The following RHBDF2 variants were observed in gnomAD, a reference collection of about 807,000 sequenced individuals.
The protein encoded by RHBDF2 is inactive rhomboid protein 2.
Under a neutral mutation model 95.2 loss-of-function variants are expected in RHBDF2, and 38 were observed. That is an observed-to-expected ratio of 0.40 (90% CI 0.31 to 0.52). RHBDF2 has a LOEUF of 0.52. Ranked by LOEUF, RHBDF2 falls within the 20% of genes least tolerant of loss-of-function variation. RHBDF2 has a pLI of 0.56. For missense variants in RHBDF2, 863 were observed against 1,137.7 expected (o/e 0.76, Z 3.47); for synonymous variants, 442 against 462.0 (o/e 0.96, Z 0.55).
chr17:76,493,473 C>A (rs1403191301), intron 1 of RHBDF2, among the ~76,000 whole-genome samples: 3 of 152,132 alleles, frequency 2.0e-5, no homozygotes, highest in South Asian at 2.1e-4. Flanking sequence ...GAGTAAAGGG[C>A]AGGAAAGTGG....
intron 1 of RHBDF2, among the ~76,000 whole-genome samples, chr17:76,490,858 G>A (rs2074278434): frequency 6.6e-6 from 1 of 152,174 alleles, no homozygotes; most frequent in South Asian, 2.1e-4. Flanking sequence ...CCTCCAGAGA[G>A]AATCAACCAC....
chr17:76,491,116 C>A (rs979841441), intron 1 of RHBDF2, among the ~76,000 whole-genome samples: 1 of 152,100 alleles, frequency 6.6e-6, no homozygotes, highest in Non-Finnish European at 1.5e-5. Context: ...GAGCTCCTGC[C>A]CTGCTGGCTC....
At chr17:76,483,551 C>T (rs2074033838) in intron 2 of RHBDF2, among the ~76,000 whole-genome samples, 1 of 152,222 alleles carries the variant, frequency 6.6e-6, no homozygotes, top group South Asian at 2.1e-4. Context: ...TCCCAAAGTG[C>T]TGGGATTACA....
At position 76,494,742 on chromosome 17, in the gene RHBDF2, A is replaced by T. The variant is rs138965492; in HGVS notation, c.-220+6611T>A. 3.3e-3 allele frequency among the ~76,000 whole-genome samples: 508 copies of T among 152,196 alleles called. 3 individuals are homozygous for T. The highest frequency in any genetic ancestry group is 0.011 in the African/African-American group (470 of 41,526). On this transcript the variant is annotated intron_variant, in intron 1 of 18. Transcript: ENST00000675367. ...ACTCCAGCCTGGGCGACAGAGCAAG[A>T]CTCCATCTCAAAAAACACACAGACA...
At chr17:76,477,455 G>A (rs1298335743) in intron 7 of RHBDF2, among the ~76,000 whole-genome samples, 157 bp from the exon 8 acceptor site, 1 of 152,062 alleles carries the variant, frequency 6.6e-6, no homozygotes, top group Non-Finnish European at 1.5e-5. Context: ...ACTTTCCCGG[G>A]TGGCACTGTG....
In RHBDF2 at chr17:76,478,799, C is replaced by T. The variant is rs1567877599; in HGVS notation, c.672+7G>A. ...AGGTGGGGGCCCTGCAGGAGGGAGC[C>T]CCGCACCTTGAGGAGGGCAGCGGCA... On this transcript the variant is annotated splice_region_variant and intron_variant, in intron 6 of 18. Transcript: ENST00000675367. The T allele has an allele frequency of 6.2e-7, 1 of 1,608,378 alleles. No individual in the cohort carries two copies. The highest frequency in any genetic ancestry group is 8.5e-7 in the Non-Finnish European group (1 of 1,177,270).
chr17:76,484,570 T>C (rs560142722), intron 2 of RHBDF2, among the ~76,000 whole-genome samples: 1 of 117,968 alleles, frequency 8.5e-6, no homozygotes, highest in African/African-American at 2.6e-5. Flanking sequence ...CTCTACCTGC[T>C]GCCTCAAGCC....
intron 2 of RHBDF2, among the ~76,000 whole-genome samples, chr17:76,486,740 C>T (rs1231865867): frequency 2.1e-5 from 1 of 48,020 alleles, no homozygotes; most frequent in Non-Finnish European, 6.1e-5. Flanking sequence ...AATAAAAACA[C>T]TGATGGTACA....
intron 1 of RHBDF2, among the ~76,000 whole-genome samples, chr17:76,499,059 C>T (rs1446248174): frequency 6.6e-6 from 1 of 152,000 alleles, no homozygotes; most frequent in Non-Finnish European, 1.5e-5. Context: ...GAGAGGCTCA[C>T]AGCAATGGAG....
At position 76,471,806 on chromosome 17, in the gene RHBDF2, G is replaced by A. The variant is rs143216562; in HGVS notation, c.2311C>T (p.Arg771Cys). ...YITFGTSDKY[R>C]KRALILVSLL... ...GACACCAGGATGAGTGCCCGCTTGC[G>A]GTACTTGTCGCTGGTGCCGAAGGTG... is the stretch of plus-strand genomic sequence containing the variant. Residue 771 changes from arginine (R) to cysteine (C), a missense_variant, in exon 19 of 19, where the codon CGC (arginine) becomes TGC (cysteine). By Grantham distance (180) the Arg-to-Cys change is radical. Coordinates refer to ENST00000675367, the MANE Select transcript of RHBDF2 (RefSeq NM_001005498.4). 47 of 1,603,686 alleles carry A rather than the reference G, an allele frequency of 2.9e-5. No homozygotes were observed. The African/African-American group carries it at 4.3e-4, about 15-fold the overall frequency.
chr17:76,472,658 G>T, intron 18 of RHBDF2, 28 bp downstream of exon 18: 1 of 1,613,690 alleles, frequency 6.2e-7, no homozygotes, highest in Non-Finnish European at 8.5e-7. Flanking sequence ...CCTATGTGCG[G>T]AAGGGGTCCC....
In RHBDF2 at chr17:76,481,355, C is replaced by A; in HGVS notation, c.150+20G>T. On this transcript the variant is annotated intron_variant, in intron 3 of 18. Transcript: ENST00000675367. Reference sequence around the variant, plus strand: ...TGTTACCTACGGCAGAACAGTGAGCCCCCAGGCCAGCCCCCTTACCTCAGG... The same window carrying A: ...TGTTACCTACGGCAGAACAGTGAGCACCCAGGCCAGCCCCCTTACCTCAGG... 6.2e-7 allele frequency: 1 copy of A among 1,602,676 alleles called. No homozygotes were observed. Among genetic ancestry groups the A allele is most frequent in the Non-Finnish European group, 8.5e-7 (1 of 1,175,212 alleles).
intron 2 of RHBDF2, 113 bp downstream of exon 2, chr17:76,487,599 A>C (rs941545845): frequency 6.6e-6 from 1 of 152,222 alleles, no homozygotes; most frequent in Non-Finnish European, 1.5e-5. Context: ...GACTTTCTTC[A>C]TTCACTGTCC....
intron 1 of RHBDF2, among the ~76,000 whole-genome samples, chr17:76,492,549 C>T (rs1007161236): frequency 2.5e-4 from 38 of 152,186 alleles, no homozygotes; most frequent in African/African-American, 8.4e-4. Flanking sequence ...AGGGTCCCCC[C>T]GCCATGCGGA....
chr17:76,480,066 TATATA>T (rs776705262), intron 3 of RHBDF2: 901 of 54,530 alleles, frequency 0.017, 9 homozygotes, highest in Non-Finnish European at 0.027. Flanking sequence ...TATATATATA[TATATA>T]TTTTTTTTTT....
Position 76,475,106 on chromosome 17 carries a change from A to AT in RHBDF2, c.1150_1151insA (p.Val384AspfsTer53). On this transcript the variant is annotated frameshift_variant, in exon 10 of 19. Coordinates refer to ENST00000675367, the MANE Select transcript of RHBDF2 (RefSeq NM_001005498.4). LOFTEE classifies it high-confidence loss of function. ...GCAAATCACCAGCAGCGTGATGATG[A>AT]CATGGACGAAGGTCAGCCAGTAGGT... is the stretch of plus-strand genomic sequence containing the variant. The AT allele has an allele frequency of 6.2e-7, 1 of 1,600,280 alleles. No homozygotes were observed. Among genetic ancestry groups the AT allele is most frequent in the South Asian group, 1.1e-5 (1 of 88,316 alleles).
In RHBDF2 at chr17:76,472,856, C is replaced by T. The variant is rs775006389; in HGVS notation, c.1911-17G>A. The T allele has an allele frequency of 4.4e-6, 7 of 1,578,704 alleles. No homozygotes were observed. Among genetic ancestry groups the T allele is most frequent in the South Asian group, 1.1e-5 (1 of 87,356 alleles). ...TGCACCACGCTGGGGGAGGGACACA[C>T]CAGGCAGCGGCCTTCAGCCAGGCAC... On this transcript the variant is annotated splice_polypyrimidine_tract_variant and intron_variant, in intron 17 of 18. Transcript: ENST00000675367.
chr17:76,473,350 G>A (rs2073651944), intron 15 of RHBDF2, 23 bp from the exon 16 acceptor site: 3 of 1,592,772 alleles, frequency 1.9e-6, no homozygotes, highest in Non-Finnish European at 2.6e-6. Flanking sequence ...TGAGGCAAGA[G>A]GGGACATCAG....
chr17:76,486,451 G>A (rs1389656001), intron 2 of RHBDF2, among the ~76,000 whole-genome samples: 1 of 152,150 alleles, frequency 6.6e-6, no homozygotes, highest in Non-Finnish European at 1.5e-5. Flanking sequence ...GGTGGTTCAT[G>A]CCTGTAATCC....
Sources: gnomAD v4.1 joint callset for allele counts (sites outside exome capture counted in the v4.1 genomes callset) on GRCh38, gnomAD v4.1.1 for gene constraint, MANE v1.5 for transcripts, NCBI Gene and HGNC (gene_info 2026-07-23, HGNC 2026-07-21) for gene names.